The following MAP4K5 variants were observed in gnomAD, a reference collection of about 807,000 sequenced individuals.
The protein encoded by MAP4K5 is MAPK/ERK kinase kinase kinase 5.
MAP4K5 carries 82 observed loss-of-function variants against 135.6 expected under a neutral mutation model. The ratio of observed to expected loss-of-function variants is 0.60; its 90% confidence interval spans 0.51 to 0.73. The LOEUF (loss-of-function observed/expected upper bound fraction) is 0.73, where lower values mean the gene tolerates loss of function less well. MAP4K5 is among the 30% of genes least tolerant of loss of function. The pLI, the probability that MAP4K5 is intolerant of heterozygous loss-of-function variation, is 0.00. For synonymous variants in MAP4K5, 347 were observed against 335.0 expected (o/e 1.04, Z -0.39); for missense variants, 907 against 1,010.9 (o/e 0.90, Z 1.39).
At chr14:50,544,570 A>G (rs538972847) in intron 1 of MAP4K5, among the ~76,000 whole-genome samples, 1 of 152,304 alleles carries the variant, frequency 6.6e-6, no homozygotes, top group Admixed American at 6.5e-5. Context: ...GTCTCTAGGC[A>G]TGGATGTCTG....
intron 2 of MAP4K5, among the ~76,000 whole-genome samples, chr14:50,518,425 A>G (rs1379185784): frequency 6.6e-6 from 1 of 152,096 alleles, no homozygotes; most frequent in Non-Finnish European, 1.5e-5. Flanking sequence ...CCTAGTGTGT[A>G]TTATTCCCCT....
chr14:50,425,232 G>GT (rs2035820538), intron 31 of MAP4K5, among the ~76,000 whole-genome samples: 1 of 152,124 alleles, frequency 6.6e-6, no homozygotes, highest in African/African-American at 2.4e-5. Context: ...TGCATGAGAC[G>GT]TAATTATCTC....
chr14:50,435,174 T>A, intron 26 of MAP4K5, 109 bp from the exon 27 acceptor site: 2 of 523,386 alleles, frequency 3.8e-6, no homozygotes, highest in Non-Finnish European at 6.7e-6. Flanking sequence ...AAAAAAAGAC[T>A]GTGTCTTTTC....
intron 14 of MAP4K5, among the ~76,000 whole-genome samples, chr14:50,451,269 A>G (rs2036478716): frequency 6.6e-6 from 1 of 152,066 alleles, no homozygotes; most frequent in African/African-American, 2.4e-5. Context: ...AAAAAAAAAA[A>G]CTTACGTGTG....
intron 9 of MAP4K5, among the ~76,000 whole-genome samples, chr14:50,469,140 G>C (rs901760370): frequency 6.6e-6 from 1 of 152,160 alleles, no homozygotes; most frequent in African/African-American, 2.4e-5. Context: ...CTTCTAAGTA[G>C]GGTGGGGAGC....
At chr14:50,544,665 G>T (rs1332961474) in intron 1 of MAP4K5, among the ~76,000 whole-genome samples, 1 of 152,124 alleles carries the variant, frequency 6.6e-6, no homozygotes, top group Admixed American at 6.5e-5. Flanking sequence ...GGGCGATGGT[G>T]GCTCACACTT....
At position 50,482,368 on chromosome 14, in the gene MAP4K5, G is replaced by A; in HGVS notation, c.371C>T (p.Thr124Ile). Residue 124 changes from threonine (T) to isoleucine (I), a missense_variant, in exon 6 of 33, where the codon ACC (threonine) becomes ATC (isoleucine). Transcript: ENST00000682126. ...ATTAAGAAAATATAGTACCTGTAAG[G>A]TTTCTCTGCATACATAGGCTATTTG... ...ELQIAYVCRE[T>I]LQGLAYLHTK... 6.6e-7 allele frequency: 1 copy of A among 1,511,508 alleles called. No individual in the cohort carries two copies. Among genetic ancestry groups the A allele is most frequent in the African/African-American group, 1.4e-5 (1 of 70,156 alleles). 93.6% of individuals were successfully genotyped at this position (1,511,508 alleles called of 1,614,324 possible).
chr14:50,492,159 C>T (rs943908860), intron 3 of MAP4K5, among the ~76,000 whole-genome samples: 4 of 151,972 alleles, frequency 2.6e-5, no homozygotes, highest in African/African-American at 7.3e-5. Flanking sequence ...GTTGTATTTC[C>T]TATTTTAATC....
Position 50,486,121 on chromosome 14 carries a change from GT to G in MAP4K5, c.239del (p.Tyr80SerfsTer38). The G allele has an allele frequency of 7.3e-7, 1 of 1,372,926 alleles. No homozygotes were observed. Among genetic ancestry groups the G allele is most frequent in the Non-Finnish European group, 1.0e-6 (1 of 997,158 alleles). 85.0% of individuals were successfully genotyped at this position (1,372,926 alleles called of 1,614,324 possible). A position where few individuals can be genotyped will look rare whatever the true frequency, so the allele number is the denominator to read the frequency against. The part of the protein sequence containing the change: ...KECKHCNIVA[Y>X]FGSYLSREKL... ...TCTCTTACCTAAGATAACTCCCAAA[GT>G]AGGCAACGATGTTACAATGTTTACA... On this transcript the variant is annotated frameshift_variant, in exon 4 of 33. Coordinates refer to ENST00000682126, the MANE Select transcript of MAP4K5 (RefSeq NM_006575.6). LOFTEE classifies it high-confidence loss of function.
intron 2 of MAP4K5, among the ~76,000 whole-genome samples, chr14:50,526,395 G>A (rs979498445): frequency 2.6e-5 from 4 of 152,154 alleles, no homozygotes; most frequent in Admixed American, 6.5e-5. Flanking sequence ...CGACCCCCGG[G>A]TTCAACCAAT....
intron 11 of MAP4K5, among the ~76,000 whole-genome samples, chr14:50,465,437 T>A (rs745984039): frequency 7.9e-5 from 12 of 152,202 alleles, no homozygotes; most frequent in African/African-American, 2.9e-4. Flanking sequence ...TATTAACCAA[T>A]TGATGACATC....
In MAP4K5 at chr14:50,496,704, C is replaced by T. The variant is rs960071665; in HGVS notation, c.166+8096G>A. Reference sequence around the variant, plus strand: ...TTAAAAATTTTTGTAAAGACTGGGTCTTATCATGTTGCCCAGGCTGGTCTT... The same window carrying T: ...TTAAAAATTTTTGTAAAGACTGGGTTTTATCATGTTGCCCAGGCTGGTCTT... On this transcript the variant is annotated intron_variant, in intron 3 of 32. Coordinates refer to ENST00000682126, the MANE Select transcript of MAP4K5 (RefSeq NM_006575.6). 2.0e-5 allele frequency among the ~76,000 whole-genome samples: 3 copies of T among 151,702 alleles called. No homozygotes were observed. In the East Asian group the frequency reaches 5.8e-4, roughly 29 times the overall value.
chr14:50,552,986 G>A (rs1021429867), intron 1 of MAP4K5, among the ~76,000 whole-genome samples: 2 of 152,018 alleles, frequency 1.3e-5, no homozygotes, highest in Admixed American at 1.3e-4. Flanking sequence ...GAAAGCAAAT[G>A]CAACAAAAAC....
chr14:50,495,620 T>C (rs2037575533), intron 3 of MAP4K5, among the ~76,000 whole-genome samples: 2 of 152,212 alleles, frequency 1.3e-5, no homozygotes, highest in South Asian at 2.1e-4. Context: ...CCCATGTTCA[T>C]AGCAGCACTA....
rs59075218 is a variant in MAP4K5, at chr14:50,542,006, CAAAAAAAAAAAAAAAAAAAAAAAA to C, written c.-94+469_-94+492del. 1.3e-3 allele frequency among the ~76,000 whole-genome samples: 82 copies of C among 62,476 alleles called. 1 individual carries two copies. Among genetic ancestry groups the C allele is most frequent in the Middle Eastern group, 7.8e-3 (1 of 128 alleles). 41.0% of individuals were successfully genotyped at this position (62,476 alleles called of 152,430 possible). Reference sequence around the variant, plus strand: ...TGGGCGACAGAGCGAGATTCCGTCTCAAAAAAAAAAAAAAAAAAAAAAAAAAAAAAAAAAAAAAAAAAGAATATG... The same window carrying C: ...TGGGCGACAGAGCGAGATTCCGTCTCAAAAAAAAAAAAAAAAAAGAATATG... On this transcript the variant is annotated intron_variant, in intron 2 of 8. Coordinates refer to the MAP4K5 transcript ENST00000555216.
intron 3 of MAP4K5, among the ~76,000 whole-genome samples, chr14:50,495,496 C>T (rs1332950883): frequency 1.3e-5 from 2 of 152,154 alleles, no homozygotes; most frequent in Non-Finnish European, 2.9e-5. Context: ...GAGACTGCAA[C>T]AGAAAACAGT....
At chr14:50,514,903 T>C (rs1332958365) in intron 2 of MAP4K5, among the ~76,000 whole-genome samples, 1 of 72,280 alleles carries the variant, frequency 1.4e-5, no homozygotes, top group African/African-American at 5.6e-5. Context: ...TGGTCATCCT[T>C]ATTCTTTTTT....
At chr14:50,438,484 G>A in intron 23 of MAP4K5, 1 of 154,400 alleles carries the variant, frequency 6.5e-6, no homozygotes, top group Non-Finnish European at 1.4e-5. Context: ...TATAACAGAT[G>A]GAAATACTTA....
At position 50,560,276 on chromosome 14, in the gene MAP4K5, A is replaced by G. The variant is rs1237400359; in HGVS notation, c.-180+764T>C. On this transcript the variant is annotated intron_variant, in intron 1 of 8. Coordinates refer to the MAP4K5 transcript ENST00000555216. The stretch of plus-strand genomic sequence containing the variant: ...AGCTCCTGGACCACCATGGCCAAGA[A>G]CCGCAGGGACAGAAACAGTTGGGGT... 1 of 1,613,998 alleles carries G rather than the reference A, an allele frequency of 6.2e-7. No homozygotes were observed. The highest frequency in any genetic ancestry group is 8.5e-7 in the Non-Finnish European group (1 of 1,179,882).
Sources: allele counts gnomAD v4.1 joint callset (sites outside exome capture counted in the v4.1 genomes callset), GRCh38; gene constraint gnomAD v4.1.1; transcripts MANE v1.5; gene names NCBI Gene and HGNC (gene_info 2026-07-23, HGNC 2026-07-21).